RNF216: variants seen among roughly 807,000 people sequenced by gnomAD.
RNF216 encodes E3 ubiquitin-protein ligase RNF216.
Under a neutral mutation model 110.8 loss-of-function variants are expected in RNF216, and 72 were observed. The ratio of observed to expected loss-of-function variants is 0.65; its 90% CI spans 0.54 to 0.79. The LOEUF is 0.79. Among genes scored for constraint, RNF216 ranks in the 30% least tolerant of loss-of-function variants. The pLI is 0.00. For missense variants in RNF216, 1,342 were observed against 1,141.2 expected (o/e 1.18, Z -2.54); for synonymous variants, 495 against 407.5 (o/e 1.21, Z -2.59).
At chr7:5,705,678 G>A (rs760887806) in intron 13 of RNF216, among the ~76,000 whole-genome samples, 2 of 152,144 alleles carry the variant, frequency 1.3e-5, no homozygotes, top group Non-Finnish European at 2.9e-5. Context: ...GGAGGCCAAG[G>A]CAGGCAGATC....
intron 2 of RNF216, among the ~76,000 whole-genome samples, chr7:5,757,665 C>G (rs187871941): frequency 2.6e-5 from 4 of 152,142 alleles, no homozygotes; most frequent in African/African-American, 9.6e-5. Context: ...ATGTATAATT[C>G]CATTTATATG....
chr7:5,719,165 G>C (rs1793253035), intron 9 of RNF216, among the ~76,000 whole-genome samples: 1 of 152,178 alleles, frequency 6.6e-6, no homozygotes, highest in African/African-American at 2.4e-5. Context: ...AGGACGGCTT[G>C]AGGCCAGAAG....
chr7:5,665,205 C>T (rs1789430128), intron 13 of RNF216, among the ~76,000 whole-genome samples: 1 of 152,130 alleles, frequency 6.6e-6, no homozygotes, highest in Non-Finnish European at 1.5e-5. Flanking sequence ...CCTCTCTATC[C>T]TCAAAGTACA....
At chr7:5,666,390 G>A (rs1789526607) in intron 13 of RNF216, among the ~76,000 whole-genome samples, 3 of 152,150 alleles carry the variant, frequency 2.0e-5, no homozygotes, top group Admixed American at 6.6e-5. Flanking sequence ...GAAGGTGCAT[G>A]TAAGTGAAGA....
intron 13 of RNF216, among the ~76,000 whole-genome samples, chr7:5,694,654 T>G (rs1021882761): frequency 6.6e-6 from 1 of 152,234 alleles, no homozygotes; most frequent in African/African-American, 2.4e-5. Context: ...GTGGCGCAAT[T>G]TGAGGACCTG....
Position 5,693,687 on chromosome 7 carries a change from C to G in RNF216, c.2061+18074G>C, listed in dbSNP as rs187209863. Among the ~76,000 whole-genome samples the G allele has an allele frequency of 8.7e-4, 133 of 152,242 alleles. 1 individual carries two copies. The highest frequency in any genetic ancestry group is 3.1e-3 in the African/African-American group (127 of 41,552). ...TTTGATAAGAGGAAATTCCCCTTTGCTATATCAAAGCTGCTCCCTGTGCTT... is the reference window on the plus strand; with the variant it reads ...TTTGATAAGAGGAAATTCCCCTTTGGTATATCAAAGCTGCTCCCTGTGCTT... On this transcript the variant is annotated intron_variant, in intron 13 of 16. Transcript: ENST00000389902.
chr7:5,710,381 A>AAC (rs1562415996), intron 13 of RNF216, among the ~76,000 whole-genome samples: 1 of 151,706 alleles, frequency 6.6e-6, no homozygotes, highest in African/African-American at 2.4e-5. Context: ...ACAAAAACAA[A>AAC]AACAAAAAAC....
chr7:5,704,350 C>T (rs747598356), intron 13 of RNF216, among the ~76,000 whole-genome samples: 5 of 152,156 alleles, frequency 3.3e-5, no homozygotes, highest in Non-Finnish European at 4.4e-5. Flanking sequence ...TAGTCTCACA[C>T]GGGTCAAAAT....
At chr7:5,675,115 A>G (rs1790195380) in intron 13 of RNF216, among the ~76,000 whole-genome samples, 1 of 152,198 alleles carries the variant, frequency 6.6e-6, no homozygotes, top group Non-Finnish European at 1.5e-5. Flanking sequence ...TAAAAGGTGA[A>G]TTTTTTATTT....
intron 1 of RNF216, among the ~76,000 whole-genome samples, chr7:5,780,735 G>C (rs1417353597): frequency 6.6e-6 from 1 of 151,992 alleles, no homozygotes; most frequent in Admixed American, 6.6e-5. Flanking sequence ...AAAAGTAAAA[G>C]AAAAAAGAAC....
chr7:5,772,973 T>G (rs2128681866), intron 1 of RNF216, among the ~76,000 whole-genome samples: 1 of 152,088 alleles, frequency 6.6e-6, no homozygotes, highest in East Asian at 1.9e-4. Flanking sequence ...AGACACAGGG[T>G]TTCACCATGT....
intron 13 of RNF216, among the ~76,000 whole-genome samples, chr7:5,683,312 A>G (rs1429898125): frequency 6.6e-6 from 1 of 152,072 alleles, no homozygotes; most frequent in Non-Finnish European, 1.5e-5. Context: ...TTTATTTTTA[A>G]AGAGACAGGG....
chr7:5,627,925 T>C (rs1311599636), intron 15 of RNF216, among the ~76,000 whole-genome samples: 1 of 152,128 alleles, frequency 6.6e-6, no homozygotes, highest in Non-Finnish European at 1.5e-5. Context: ...CCGTGATAAA[T>C]CCCAGTGCTC....
intron 8 of RNF216, among the ~76,000 whole-genome samples, chr7:5,723,371 G>A (rs557865347): frequency 4.1e-4 from 63 of 152,122 alleles, no homozygotes; most frequent in African/African-American, 1.3e-3. Flanking sequence ...GCAATTGGCC[G>A]GGTGCGGTGG....
At chr7:5,713,429 C>A (rs1469591884) in intron 11 of RNF216, 1 of 152,396 alleles carries the variant, frequency 6.6e-6, no homozygotes, top group Non-Finnish European at 1.5e-5. Flanking sequence ...GGCCTGAAGT[C>A]AGAGTCTGAA....
At chr7:5,655,491 CAATCCCTG>C (rs1562794529) in intron 13 of RNF216, among the ~76,000 whole-genome samples, 24 of 146,802 alleles carry the variant, frequency 1.6e-4, no homozygotes, top group Non-Finnish European at 3.0e-4. Flanking sequence ...CCAGCTGAGG[CAATCCCTG>C]TGAGGCTGAG....
intron 3 of RNF216, among the ~76,000 whole-genome samples, chr7:5,748,720 AGTAGT>A (rs1434622888): frequency 2.6e-5 from 4 of 151,868 alleles, no homozygotes; most frequent in Non-Finnish European, 5.9e-5. Context: ...TTAGTAGTTA[AGTAGT>A]TATTAAGTAG....
chr7:5,654,560 G>A (rs1788609939), intron 13 of RNF216, among the ~76,000 whole-genome samples: 1 of 151,788 alleles, frequency 6.6e-6, no homozygotes, highest in Non-Finnish European at 1.5e-5. Flanking sequence ...GGTAGCTGGT[G>A]ACTGTAATCC....
intron 13 of RNF216, among the ~76,000 whole-genome samples, chr7:5,661,325 A>T (rs1789124084): frequency 6.6e-6 from 1 of 151,694 alleles, no homozygotes; most frequent in Non-Finnish European, 1.5e-5. Flanking sequence ...TCTCCTCAGT[A>T]GCCTGAACTT....
Sources: gnomAD v4.1 joint callset for allele counts (sites outside exome capture counted in the v4.1 genomes callset) on GRCh38, gnomAD v4.1.1 for gene constraint, MANE v1.5 for transcripts, NCBI Gene and HGNC (gene_info 2026-07-23, HGNC 2026-07-21) for gene names.